FTCDNL1: variants seen among roughly 807,000 people sequenced by gnomAD.
FTCDNL1 encodes the protein formiminotransferase N-terminal subdomain-containing protein.
Under a neutral mutation model 5.9 loss-of-function variants are expected in FTCDNL1, and 11 were observed. That is an observed-to-expected ratio of 1.87 (90% CI 1.18 to 3.10). The LOEUF is 3.10. Ranked by LOEUF, FTCDNL1 falls within the 30% of genes most tolerant of loss-of-function variation. The probability of loss-of-function intolerance (pLI) is 0.00; values close to 1 mark genes in which losing one functional copy is unlikely to be tolerated. For missense variants in FTCDNL1, 115 were observed against 65.5 expected, an observed-to-expected ratio of 1.76 and a Z score of -2.61; for synonymous variants, 58 against 24.8, an observed-to-expected ratio of 2.34 and a Z score of -3.99.
downstream of FTCDNL1, among the ~76,000 whole-genome samples, chr2:199,759,930 G>C (rs1183959784): frequency 6.6e-6 from 1 of 152,182 alleles, no homozygotes; most frequent in Non-Finnish European, 1.5e-5. Context: ...CATGTGGACA[G>C]CTCGTAATTG....
At chr2:199,680,284 C>A in the FTCDNL1 span, among the ~76,000 whole-genome samples, 1 of 152,086 alleles carries the variant, frequency 6.6e-6, no homozygotes, top group South Asian at 2.1e-4. Context: ...AATGCAAATA[C>A]GGTGGTCATG....
intron 4 of FTCDNL1, among the ~76,000 whole-genome samples, chr2:199,817,678 G>C (rs1701433468): frequency 6.6e-6 from 1 of 151,572 alleles, no homozygotes; most frequent in Non-Finnish European, 1.5e-5. Context: ...ATGAAGTTGT[G>C]GCTGCAGTGA....
the FTCDNL1 span, among the ~76,000 whole-genome samples, chr2:199,726,325 T>C: frequency 5.9e-5 from 9 of 152,198 alleles, no homozygotes; most frequent in Admixed American, 2.0e-4. Flanking sequence ...TTGCATTGGG[T>C]TAGAATATAC....
chr2:199,807,553 C>G (rs985841130), downstream of FTCDNL1, among the ~76,000 whole-genome samples: 5 of 152,104 alleles, frequency 3.3e-5, no homozygotes, highest in African/African-American at 9.7e-5. Flanking sequence ...AGGAGAGTCC[C>G]TTGAACCTGG....
At chr2:199,849,156 T>G (rs1413703607) in intron 1 of FTCDNL1, among the ~76,000 whole-genome samples, 187 bp from the exon 2 acceptor site, 1 of 152,228 alleles carries the variant, frequency 6.6e-6, no homozygotes, top group Non-Finnish European at 1.5e-5. Flanking sequence ...CATGTGTACA[T>G]GGTCACATAC....
intron 3 of FTCDNL1, among the ~76,000 whole-genome samples, chr2:199,765,281 A>G (rs113649415): frequency 1.5e-4 from 23 of 152,100 alleles, no homozygotes; most frequent in African/African-American, 5.1e-4. Flanking sequence ...AGGTTCATCA[A>G]TTGTAACAAA....
intron 3 of FTCDNL1, among the ~76,000 whole-genome samples, chr2:199,769,166 A>G (rs1003825540): frequency 6.6e-6 from 1 of 152,034 alleles, no homozygotes; most frequent in Non-Finnish European, 1.5e-5. Flanking sequence ...GCTTCTTCAG[A>G]CCCATTTTTC....
At chr2:199,684,739 G>T in the FTCDNL1 span, among the ~76,000 whole-genome samples, 24 of 152,252 alleles carry the variant, frequency 1.6e-4, no homozygotes, top group African/African-American at 5.8e-4. Flanking sequence ...CGGAAGGGCC[G>T]TTCTCATAGT....
downstream of FTCDNL1, among the ~76,000 whole-genome samples, chr2:199,758,317 A>T (rs1698139899): frequency 6.7e-6 from 1 of 150,356 alleles, no homozygotes; most frequent in Non-Finnish European, 1.5e-5. Flanking sequence ...AAAACAAACA[A>T]ATAACTTATT....
the FTCDNL1 span, among the ~76,000 whole-genome samples, chr2:199,696,420 C>A: frequency 6.6e-6 from 1 of 152,182 alleles, no homozygotes; most frequent in African/African-American, 2.4e-5. Flanking sequence ...TGCCGGCAGA[C>A]TGGGGACACC....
chr2:199,739,159 A>G, the FTCDNL1 span, among the ~76,000 whole-genome samples: 52 of 152,204 alleles, frequency 3.4e-4, no homozygotes, highest in Admixed American at 3.3e-3. Flanking sequence ...CTGTGTTTTA[A>G]GTAAGATTTC....
At chr2:199,768,233 T>A (rs1698628271) in intron 3 of FTCDNL1, among the ~76,000 whole-genome samples, 1 of 152,214 alleles carries the variant, frequency 6.6e-6, no homozygotes, top group Non-Finnish European at 1.5e-5. Flanking sequence ...CAATCCTGTG[T>A]AAAAGATTGC....
the FTCDNL1 span, among the ~76,000 whole-genome samples, chr2:199,690,867 A>T: frequency 6.6e-6 from 1 of 152,180 alleles, no homozygotes; most frequent in Admixed American, 6.5e-5. Context: ...TTCATAGACC[A>T]CTTTGTCCAC....
chr2:199,831,558 T>C (rs1447729918), intron 3 of FTCDNL1, among the ~76,000 whole-genome samples: 2 of 152,322 alleles, frequency 1.3e-5, no homozygotes, highest in Admixed American at 1.3e-4. Flanking sequence ...GAAAAAATTA[T>C]AGTATAAGAG....
the FTCDNL1 span, among the ~76,000 whole-genome samples, chr2:199,695,899 A>G: frequency 6.6e-6 from 1 of 152,210 alleles, no homozygotes; most frequent in Non-Finnish European, 1.5e-5. Flanking sequence ...AACTGGACAG[A>G]ACAGGGCTAT....
the FTCDNL1 span, among the ~76,000 whole-genome samples, chr2:199,710,957 T>C: frequency 6.6e-6 from 1 of 152,046 alleles, no homozygotes; most frequent in African/African-American, 2.4e-5. Flanking sequence ...AGAGATTAAA[T>C]AAAATGCACT....
chr2:199,807,131 T>C (rs953637928), downstream of FTCDNL1, among the ~76,000 whole-genome samples: 1 of 152,194 alleles, frequency 6.6e-6, no homozygotes, highest in African/African-American at 2.4e-5. Flanking sequence ...CTCAAGCCAA[T>C]GGGATCGTCC....
the FTCDNL1 span, among the ~76,000 whole-genome samples, chr2:199,692,364 T>C: frequency 6.6e-6 from 1 of 152,236 alleles, no homozygotes; most frequent in Admixed American, 6.5e-5. Flanking sequence ...GCTCGTTTTT[T>C]GTAATATGAA....
In FTCDNL1 at chr2:199,803,118, T is replaced by C. The variant is rs1371318899; in HGVS notation, c.212-42283A>G. Among the ~76,000 whole-genome samples, 19 of 134,834 alleles carry C rather than the reference T, an allele frequency of 1.4e-4. No homozygotes were observed. In the Admixed American group the frequency reaches 1.7e-3, roughly 12 times the overall value. 88.5% of individuals were successfully genotyped at this position (134,834 alleles called of 152,430 possible). ...CTGAGGTGCAAGGATTATCTGAGCC[T>C]GGGAGATTGAGGCTGCAGTGAGCCA... On this transcript the variant is annotated intron_variant, in intron 3 of 3. Transcript: ENST00000416668.
Sources: gnomAD v4.1 joint callset for allele counts (sites outside exome capture counted in the v4.1 genomes callset) on GRCh38, gnomAD v4.1.1 for gene constraint, MANE v1.5 for transcripts, NCBI Gene and HGNC (gene_info 2026-07-23, HGNC 2026-07-21) for gene names.